The following PELI2 variants were observed in gnomAD, a reference collection of about 807,000 sequenced individuals.
PELI2 encodes pellino E3 ubiquitin protein ligase family member 2, also known as E3 ubiquitin-protein ligase pellino homolog 2.
A neutral mutation model predicts 42.3 loss-of-function variants in PELI2; 23 were observed. The observed-to-expected ratio is 0.54, with a 90% CI of 0.39 to 0.77. PELI2 has a LOEUF of 0.77. Among genes scored for constraint, PELI2 ranks in the 30% least tolerant of loss-of-function variants. The pLI, the probability that PELI2 is intolerant of heterozygous loss-of-function variation, is 0.00. For synonymous variants in PELI2, 245 were observed against 212.2 expected, an observed-to-expected ratio of 1.15 and a Z score of -1.34; for missense variants, 463 against 553.2, an observed-to-expected ratio of 0.84 and a Z score of 1.64.
At chr14:56,128,059 A>C (rs946902943) in intron 1 of PELI2, among the ~76,000 whole-genome samples, 2 of 152,216 alleles carry the variant, frequency 1.3e-5, no homozygotes, top group Non-Finnish European at 2.9e-5. Flanking sequence ...TGGACCCCTG[A>C]ACTTTAAGAT....
chr14:56,275,771 A>G (rs547160139), intron 2 of PELI2, among the ~76,000 whole-genome samples: 19 of 152,236 alleles, frequency 1.2e-4, no homozygotes, highest in Admixed American at 1.0e-3. Flanking sequence ...CCTGTGGCCC[A>G]GGGGTTGGGG....
intron 1 of PELI2, among the ~76,000 whole-genome samples, chr14:56,160,939 G>A (rs755144832): frequency 2.6e-5 from 4 of 152,132 alleles, no homozygotes; most frequent in Non-Finnish European, 5.9e-5. Context: ...GACCCCTGCC[G>A]TTATTTTCAC....
chr14:56,133,721 C>T (rs534123708), intron 1 of PELI2, among the ~76,000 whole-genome samples: 27 of 152,172 alleles, frequency 1.8e-4, no homozygotes, highest in Non-Finnish European at 3.4e-4. Context: ...AGCGTGATGC[C>T]CTTCCTGAAT....
At chr14:56,280,923 G>T (rs1020499292) in intron 3 of PELI2, among the ~76,000 whole-genome samples, 3 of 151,932 alleles carry the variant, frequency 2.0e-5, no homozygotes, top group African/African-American at 4.8e-5. Context: ...CTCAGAAGAA[G>T]AAATATAAAT....
chr14:56,159,419 G>A (rs545052796), intron 1 of PELI2, among the ~76,000 whole-genome samples: 2 of 152,328 alleles, frequency 1.3e-5, no homozygotes, highest in East Asian at 3.9e-4. Flanking sequence ...AAGTCACATG[G>A]TCTAACCCCA....
At chr14:56,264,224 TAA>T (rs770736841) in intron 2 of PELI2, among the ~76,000 whole-genome samples, 31 of 152,172 alleles carry the variant, frequency 2.0e-4, no homozygotes, top group Non-Finnish European at 4.1e-4. Flanking sequence ...TATTTAGTGC[TAA>T]GTTTTTCTCA....
intron 1 of PELI2, among the ~76,000 whole-genome samples, chr14:56,167,235 T>C (rs1884996870): frequency 6.6e-6 from 1 of 152,212 alleles, no homozygotes; most frequent in Non-Finnish European, 1.5e-5. Context: ...GAGTACTCTG[T>C]TATTATCCCT....
chr14:56,174,554 TG>T (rs983283002), intron 1 of PELI2, among the ~76,000 whole-genome samples: 1 of 152,044 alleles, frequency 6.6e-6, no homozygotes, highest in Non-Finnish European at 1.5e-5. Flanking sequence ...GATGGCGGGG[TG>T]GGGGTTGGAT....
rs1889723962 is a variant in PELI2 at position 56,288,715 on chromosome 14, A to AT, written c.507+81_507+82insT. The AT allele has an allele frequency of 7.5e-6, 9 of 1,207,784 alleles. 1 individual carries two copies. The highest frequency in any genetic ancestry group is 2.7e-5 in the South Asian group (2 of 74,040). 74.8% of individuals were successfully genotyped at this position (1,207,784 alleles called of 1,614,324 possible). On this transcript the variant is annotated intron_variant, in intron 4 of 5. Transcript: ENST00000267460. The surrounding 1 kb of genome is among the most constrained non-coding windows in gnomAD (Gnocchi z 4.6). ...GGAACATTTAATTGGAGCAAAAAAAAATTGGCTTTGTATGTTGCCTCTAGT... is the reference window on the plus strand; with the variant it reads ...GGAACATTTAATTGGAGCAAAAAAAATATTGGCTTTGTATGTTGCCTCTAGT...
Position 56,299,171 on chromosome 14 carries a change from G to C in PELI2, c.*2005G>C, listed in dbSNP as rs1890100676. On this transcript the variant is annotated 3_prime_UTR_variant, in exon 6 of 6. Transcript: ENST00000267460. Reference sequence around the variant, plus strand: ...CTAAAACCATCTTGTAAGCTAAATGGTCTTGCATCCAGAAAGGCCAGATTT... The same window carrying C: ...CTAAAACCATCTTGTAAGCTAAATGCTCTTGCATCCAGAAAGGCCAGATTT... 6.6e-6 allele frequency: 1 copy of C among 152,018 alleles called. No homozygotes were observed. The highest frequency in any genetic ancestry group is 1.5e-5 in the Non-Finnish European group (1 of 68,012). 9.4% of individuals were successfully genotyped at this position (152,018 alleles called of 1,614,324 possible).
chr14:56,181,840 A>G (rs1408285406), intron 2 of PELI2, among the ~76,000 whole-genome samples: 1 of 148,250 alleles, frequency 6.7e-6, no homozygotes. Context: ...TGATTATGTA[A>G]TGTGTGTGTG....
At position 56,178,409 on chromosome 14, in the gene PELI2, C is replaced by T. The variant is rs746817035; in HGVS notation, c.152C>T (p.Ala51Val). The T allele has an allele frequency of 3.7e-6, 6 of 1,614,058 alleles. No individual in the cohort carries two copies. The highest frequency in any genetic ancestry group is 1.3e-5 in the African/African-American group (1 of 74,930). ...SRFALYKRPK[A>V]NGVKPSTVHV... is the part of the protein sequence containing the mutation. ...TTTGCCCTCTACAAGCGGCCCAAGG[C>T]AAATGGTGTCAAACCCAGCACCGTC... The change falls in exon 2 of 6, where the codon GCA (alanine) becomes GTA (valine). Residue 51 changes from alanine (A) to valine (V), a missense_variant. Coordinates refer to ENST00000267460, the MANE Select transcript of PELI2 (RefSeq NM_021255.3).
intron 2 of PELI2, among the ~76,000 whole-genome samples, chr14:56,261,246 T>C (rs1236007496): frequency 6.6e-6 from 1 of 152,214 alleles, no homozygotes; most frequent in Non-Finnish European, 1.5e-5. Context: ...ATGCCACAGA[T>C]GACTCAGATT....
intron 1 of PELI2, among the ~76,000 whole-genome samples, chr14:56,176,539 T>C (rs1191819782): frequency 6.6e-6 from 1 of 152,180 alleles, no homozygotes; most frequent in Non-Finnish European, 1.5e-5. Context: ...GAACCTTCAC[T>C]TGACCAAAGC....
intron 1 of PELI2, among the ~76,000 whole-genome samples, chr14:56,121,591 C>G (rs1003716070): frequency 1.3e-5 from 2 of 152,136 alleles, no homozygotes; most frequent in African/African-American, 2.4e-5. Flanking sequence ...TAATTTTAAA[C>G]TTACGTTTTA....
chr14:56,145,792 C>T (rs1163208544), intron 1 of PELI2, among the ~76,000 whole-genome samples: 1 of 152,176 alleles, frequency 6.6e-6, no homozygotes, highest in Non-Finnish European at 1.5e-5. Context: ...TTCTAGTGTA[C>T]TGTTTCTCTA....
intron 2 of PELI2, among the ~76,000 whole-genome samples, chr14:56,184,241 T>G (rs1176142818): frequency 6.6e-6 from 1 of 152,028 alleles, no homozygotes; most frequent in Non-Finnish European, 1.5e-5. Context: ...TCCATGGTTT[T>G]AGAAAAAAGA....
In PELI2 at chr14:56,288,027, C is replaced by A. The variant is rs1259572440; in HGVS notation, c.310-410C>A. 2.6e-5 allele frequency among the ~76,000 whole-genome samples: 4 copies of A among 152,178 alleles called. No homozygotes were observed. The highest frequency in any genetic ancestry group is 4.4e-5 in the Non-Finnish European group (3 of 68,042). On this transcript the variant is annotated intron_variant, in intron 3 of 5. Coordinates refer to ENST00000267460, the MANE Select transcript of PELI2 (RefSeq NM_021255.3). The surrounding 1 kb of genome is among the most constrained non-coding windows in gnomAD (Gnocchi z 4.6). ...TCTGATGAGTGGCCAAAGATCTACT[C>A]CTGTCCTCTTAATTGAGCTTTTTCT...
At chr14:56,173,516 T>C (rs140805393) in intron 1 of PELI2, among the ~76,000 whole-genome samples, 5 of 152,314 alleles carry the variant, frequency 3.3e-5, no homozygotes, top group East Asian at 3.9e-4. Context: ...TATAGTTTCC[T>C]GTGGCTGCCA....
Sources: gnomAD v4.1 joint callset for allele counts (sites outside exome capture counted in the v4.1 genomes callset) on GRCh38, gnomAD v4.1.1 for gene constraint, Gnocchi (gnomAD v3.1) non-coding constraint, MANE v1.5 for transcripts, NCBI Gene and HGNC (gene_info 2026-07-23, HGNC 2026-07-21) for gene names.